Variants in LSM7 observed in about 807,000 individuals in gnomAD.
LSM7 encodes the protein U6 snRNA-associated Sm-like protein LSm7.
A neutral mutation model predicts 14.1 loss-of-function variants in LSM7; 13 were observed. That is an observed-to-expected ratio of 0.92 (90% confidence interval 0.60 to 1.47). The LOEUF (loss-of-function observed/expected upper bound fraction) is 1.47, where lower values mean the gene tolerates loss of function less well. Among genes scored for constraint, LSM7 ranks in the 40% most tolerant of loss-of-function variants. LSM7 has a pLI of 0.00. For synonymous variants in LSM7, 70 were observed against 57.1 expected (o/e 1.23, Z -1.02); for missense variants, 108 against 140.8 (o/e 0.77, Z 1.18).
intron 2 of LSM7, among the ~76,000 whole-genome samples, chr19:2,327,239 G>T (rs1968045039): frequency 6.6e-6 from 1 of 152,202 alleles, no homozygotes; most frequent in South Asian, 2.1e-4. Flanking sequence ...GGTGTAGACT[G>T]AGAAAACATT....
At chr19:2,324,051 C>A (rs1967976973) in intron 3 of LSM7, 74 bp downstream of exon 3, 16 of 823,956 alleles carry the variant, frequency 1.9e-5, no homozygotes, top group South Asian at 1.8e-4. Context: ...CCCACTGCCC[C>A]CCTCGTCCCG....
Position 2,328,580 on chromosome 19 carries a change from G to A in LSM7, c.-14C>T, listed in dbSNP as rs1211169482. On this transcript the variant is annotated 5_prime_UTR_variant, in exon 1 of 4. Transcript: ENST00000252622. ...GCTCACCGCCATCTTGTCGCGCCGT[G>A]TGGCTCTTCGCAGGCACCGCCCCGC... is the stretch of plus-strand genomic sequence containing the variant. 3.8e-6 allele frequency: 6 copies of A among 1,573,550 alleles called. No individual in the cohort carries two copies. The African/African-American group carries it at 5.4e-5, about 14-fold the overall frequency.
chr19:2,325,285 C>T (rs548949087), intron 2 of LSM7, among the ~76,000 whole-genome samples: 1 of 152,222 alleles, frequency 6.6e-6, no homozygotes, highest in East Asian at 1.9e-4. Context: ...CCAGCAGAGG[C>T]CAGCCCACCC....
At chr19:2,327,175 G>A (rs951721577) in intron 2 of LSM7, among the ~76,000 whole-genome samples, 1 of 152,244 alleles carries the variant, frequency 6.6e-6, no homozygotes, top group Non-Finnish European at 1.5e-5. Context: ...GGGAAGCAGT[G>A]TGACCAGCAA....
chr19:2,321,708 T>C lies in LSM7; in HGVS notation c.284A>G (p.Asn95Ser). 1 of 1,562,368 alleles carries C rather than the reference T, an allele frequency of 6.4e-7. No homozygotes were observed. Among genetic ancestry groups the C allele is most frequent in the Admixed American group, 1.9e-5 (1 of 52,890 alleles). Residue 95 changes from asparagine (N) to serine (S), a missense_variant, in exon 4 of 4, where the codon AAC becomes AGC. Asn to Ser is a conservative substitution (Grantham distance 46). Coordinates refer to ENST00000252622, the MANE Select transcript of LSM7 (RefSeq NM_016199.3). This position sits in a 1 kb window ranked among gnomAD's most constrained non-coding sequence, Gnocchi z 5.0. Reference sequence around the variant, plus strand: ...GGCGTCCTGCTGCTGGATGAAGGGGTTGGGGATGGCCTCCATGCCGTCCTG... The same window carrying C: ...GGCGTCCTGCTGCTGGATGAAGGGGCTGGGGATGGCCTCCATGCCGTCCTG... ...CPQDGMEAIP[N>S]PFIQQQDA
intron 2 of LSM7, among the ~76,000 whole-genome samples, chr19:2,327,698 G>C (rs1399752092): frequency 6.6e-6 from 1 of 152,144 alleles, no homozygotes; most frequent in African/African-American, 2.4e-5. Flanking sequence ...CGCCCCGTCC[G>C]GCTGGGGCAC....
At chr19:2,327,263 T>C (rs532085172) in intron 2 of LSM7, among the ~76,000 whole-genome samples, 1 of 152,294 alleles carries the variant, frequency 6.6e-6, no homozygotes, top group African/African-American at 2.4e-5. Flanking sequence ...TTCATATTCC[T>C]TTTTCTTTTT....
rs377431713 is a variant in LSM7 at position 2,324,107 on chromosome 19, G to A, written c.169+18C>T. 9.2e-6 allele frequency: 14 copies of A among 1,516,718 alleles called. No homozygotes were observed. The highest frequency in any genetic ancestry group is 1.7e-4 in the Middle Eastern group (1 of 5,848). The allele number at this position is 1,516,718 out of a possible 1,614,324, so 94.0% of individuals were successfully genotyped here. ...TCCCCCTCGTCCCGCTGCCTGCCTC[G>A]GCCGCCACCCCACTCACCTCGCATG... is the stretch of plus-strand genomic sequence containing the variant. On this transcript the variant is annotated intron_variant, in intron 3 of 3. Transcript: ENST00000252622.
intron 2 of LSM7, among the ~76,000 whole-genome samples, chr19:2,326,627 C>T (rs1217861719): frequency 1.3e-5 from 2 of 152,012 alleles, no homozygotes; most frequent in South Asian, 2.1e-4. Flanking sequence ...TGAGCCACAG[C>T]GCCCAGTTAA....
Position 2,321,622 on chromosome 19 carries a change from G to A in LSM7, c.*58C>T. ...GTACTGCGGTGGGAGCAGCAGCCAAGTCCGCGGGAAACCGAGCTGCTCGGG... is the reference window on the plus strand; with the variant it reads ...GTACTGCGGTGGGAGCAGCAGCCAAATCCGCGGGAAACCGAGCTGCTCGGG... On this transcript the variant is annotated 3_prime_UTR_variant, in exon 4 of 4. Transcript: ENST00000252622. The surrounding 1 kb of genome is among the most constrained non-coding windows in gnomAD (Gnocchi z 5.0). The A allele has an allele frequency of 7.4e-7, 1 of 1,348,112 alleles. No individual in the cohort carries two copies. Among genetic ancestry groups the A allele is most frequent in the Non-Finnish European group, 9.6e-7 (1 of 1,046,054 alleles). 83.5% of individuals were successfully genotyped at this position (1,348,112 alleles called of 1,614,324 possible). A position where few individuals can be genotyped will look rare whatever the true frequency, so the allele number is the denominator to read the frequency against.
chr19:2,328,334 G>C, intron 2 of LSM7, 53 bp downstream of exon 2: 2 of 1,470,346 alleles, frequency 1.4e-6, no homozygotes, highest in Non-Finnish European at 1.9e-6. Context: ...CTCTGTTGCT[G>C]GGTTTATTTG....
intron 3 of LSM7, among the ~76,000 whole-genome samples, chr19:2,322,539 TCAAAAAA>T (rs1967950725): frequency 6.6e-6 from 1 of 151,838 alleles, no homozygotes; most frequent in Non-Finnish European, 1.5e-5. Context: ...AGATTCCATC[TCAAAAAA>T]TAAAAAAATA....
At chr19:2,324,031 C>T (rs1967976374) in intron 3 of LSM7, 94 bp downstream of exon 3, 4 of 457,870 alleles carry the variant, frequency 8.7e-6, no homozygotes, top group East Asian at 5.8e-5. Flanking sequence ...CCCACGGCTG[C>T]CCCCCTCGTC....
intron 3 of LSM7, among the ~76,000 whole-genome samples, chr19:2,323,599 C>G (rs538085468): frequency 5.3e-5 from 8 of 152,116 alleles, no homozygotes; most frequent in Non-Finnish European, 1.2e-4. Flanking sequence ...TACAGGCATG[C>G]GCCACCACAC....
chr19:2,321,619 C>G lies in LSM7; in HGVS notation c.*61G>C. ...GCGGTACTGCGGTGGGAGCAGCAGCCAAGTCCGCGGGAAACCGAGCTGCTC... is the reference window on the plus strand; with the variant it reads ...GCGGTACTGCGGTGGGAGCAGCAGCGAAGTCCGCGGGAAACCGAGCTGCTC... On this transcript the variant is annotated 3_prime_UTR_variant, in exon 4 of 4. Transcript: ENST00000252622. The surrounding 1 kb of genome is among the most constrained non-coding windows in gnomAD (Gnocchi z 5.0). 2 of 1,343,146 alleles carry G rather than the reference C, an allele frequency of 1.5e-6. No homozygotes were observed. Among genetic ancestry groups the G allele is most frequent in the Non-Finnish European group, 1.9e-6 (2 of 1,043,578 alleles). The allele number at this position is 1,343,146 out of a possible 1,614,324, so 83.2% of individuals were successfully genotyped here.
chr19:2,326,890 G>A (rs1480464058), intron 2 of LSM7, among the ~76,000 whole-genome samples: 1 of 152,252 alleles, frequency 6.6e-6, no homozygotes, highest in East Asian at 1.9e-4. Flanking sequence ...TCCCGAGCTG[G>A]CAGCGTCCGG....
chr19:2,323,066 C>T (rs1183254204), intron 3 of LSM7, among the ~76,000 whole-genome samples: 3 of 152,112 alleles, frequency 2.0e-5, no homozygotes, highest in Admixed American at 1.3e-4. Flanking sequence ...GGGCAAGACC[C>T]TCTCTCTCCT....
At chr19:2,323,652 A>G (rs1967970279) in intron 3 of LSM7, among the ~76,000 whole-genome samples, 1 of 152,126 alleles carries the variant, frequency 6.6e-6, no homozygotes, top group Admixed American at 6.5e-5. Flanking sequence ...GGGTTTCACC[A>G]TGTTGGTCAG....
chr19:2,327,361 G>A (rs1177328668), intron 2 of LSM7, among the ~76,000 whole-genome samples: 1 of 151,928 alleles, frequency 6.6e-6, no homozygotes, highest in African/African-American at 2.4e-5. Flanking sequence ...TCCTGCCTCA[G>A]CCCCCCGAGT....
Sources: gnomAD v4.1 joint callset for allele counts (sites outside exome capture counted in the v4.1 genomes callset) on GRCh38, gnomAD v4.1.1 for gene constraint, Gnocchi (gnomAD v3.1) non-coding constraint, MANE v1.5 for transcripts, NCBI Gene and HGNC (gene_info 2026-07-23, HGNC 2026-07-21) for gene names.